LPIN3: variants seen among roughly 807,000 people sequenced by gnomAD.
LPIN3 encodes the protein phosphatidate phosphatase LPIN3.
Under a neutral mutation model 94.7 loss-of-function variants are expected in LPIN3, and 82 were observed. The ratio of observed to expected loss-of-function variants is 0.87; its 90% CI spans 0.72 to 1.04. The LOEUF (loss-of-function observed/expected upper bound fraction) is 1.04. LPIN3 is among the 50% of genes least tolerant of loss of function. The pLI is 0.00. For synonymous variants in LPIN3, 418 were observed against 443.3 expected, an observed-to-expected ratio of 0.94 and a Z score of 0.72; for missense variants, 996 against 1,090.5, an observed-to-expected ratio of 0.91 and a Z score of 1.22.
In LPIN3 at chr20:41,351,856, G is replaced by C. The variant is rs1488465667; in HGVS notation, c.1138G>C (p.Asp380His). Residue 380 changes from aspartate (D) to histidine (H), a missense_variant, in exon 8 of 20, where the codon GAC becomes CAC. Physicochemically the swap from Asp to His is moderately conservative, Grantham distance 81. Transcript: ENST00000373257. The part of the protein sequence containing the change: ...PKRSQHLGPS[D>H]IYLDDLPSLD... ...GAGAAGCCAGCACCTGGGCCCCAGT[G>C]ACATCTACCTGGATGACTTGCCCTC... The C allele has an allele frequency of 6.2e-7, 1 of 1,614,222 alleles. No homozygotes were observed. The highest frequency in any genetic ancestry group is 8.5e-7 in the Non-Finnish European group (1 of 1,180,046).
In LPIN3 at chr20:41,358,957, G is replaced by C; in HGVS notation, c.*91G>C. ...GAGGGTGGGAATTGGAGTGTCATGG[G>C]GCAAACCCACTGAAGGGGAAGGAGG... On this transcript the variant is annotated 3_prime_UTR_variant, in exon 20 of 20. Transcript: ENST00000373257. 1 of 1,494,562 alleles carries C rather than the reference G, an allele frequency of 6.7e-7. No individual in the cohort carries two copies. The allele number at this position is 1,494,562 out of a possible 1,614,324, so 92.6% of individuals were successfully genotyped here.
chr20:41,354,677 G>T lies in LPIN3; in HGVS notation c.1560G>T (p.Met520Ile), dbSNP rs746359500. 3.7e-6 allele frequency: 6 copies of T among 1,600,218 alleles called. No homozygotes were observed. In the South Asian group the frequency reaches 6.8e-5, roughly 18 times the overall value. The change falls in exon 12 of 20, where the codon ATG becomes ATT. Residue 520 changes from methionine to isoleucine, a missense_variant. Coordinates refer to ENST00000373257, the MANE Select transcript of LPIN3 (RefSeq NM_022896.3). Reference sequence around the variant, plus strand: ...TGGACAAGCTGGAGAGGGAGAAGATGCCCCGGAAGGGTGGGCGATGGTGGT... The same window carrying T: ...TGGACAAGCTGGAGAGGGAGAAGATTCCCCGGAAGGGTGGGCGATGGTGGT... ...STMDKLEREK[M>I]PRKGGRWWFS... is the part of the protein sequence containing the mutation.
Position 41,350,120 on chromosome 20 carries a change from T to C in LPIN3, c.825T>C (p.Pro275=). ...VLEGRAGATS[P]PRGGPSTPST... ...AAGGCAGAGCTGGGGCAACCTCTCCTCCTCGGGGAGGACCCAGCACTCCCT... is the reference window on the plus strand; with the variant it reads ...AAGGCAGAGCTGGGGCAACCTCTCCCCCTCGGGGAGGACCCAGCACTCCCT... Residue 275 remains proline (P), a synonymous_variant, in exon 7 of 20, where the codon CCT becomes CCC. Transcript: ENST00000373257. The C allele has an allele frequency of 6.2e-7, 1 of 1,612,072 alleles. No individual in the cohort carries two copies. The highest frequency in any genetic ancestry group is 2.2e-5 in the East Asian group (1 of 44,852).
At chr20:41,358,634 G>A (rs2046302492) in intron 19 of LPIN3, 88 bp from the exon 20 acceptor site, 2 of 1,604,620 alleles carry the variant, frequency 1.2e-6, no homozygotes, top group Non-Finnish European at 1.7e-6. Context: ...TTACCGGGGA[G>A]TCTGTCCCTT....
intron 14 of LPIN3, 74 bp downstream of exon 14, chr20:41,356,108 G>A (rs537004686): frequency 5.8e-6 from 9 of 1,557,380 alleles, no homozygotes; most frequent in Non-Finnish European, 7.9e-6. Flanking sequence ...TCAGGACCTG[G>A]CTGAGAAATG....
In LPIN3 at chr20:41,358,740, A is replaced by G; in HGVS notation, c.2430A>G (p.Glu810=). The part of the protein sequence containing the change: ...NHKSTYERLG[E]VVELLFPPVA... ...CCTGTAGGTATGAGCGGCTTGGTGA[A>G]GTGGTCGAGCTCCTCTTCCCACCTG... The change falls in exon 20 of 20, where the codon GAA becomes GAG. Residue 810 remains glutamate (E), a synonymous_variant. Coordinates refer to ENST00000373257, the MANE Select transcript of LPIN3 (RefSeq NM_022896.3). The G allele has an allele frequency of 6.2e-7, 1 of 1,613,938 alleles. No homozygotes were observed. Among genetic ancestry groups the G allele is most frequent in the South Asian group, 1.1e-5 (1 of 91,040 alleles).
chr20:41,343,711 C>A (rs1226658512), intron 1 of LPIN3, among the ~76,000 whole-genome samples: 1 of 152,182 alleles, frequency 6.6e-6, no homozygotes, highest in African/African-American at 2.4e-5. Context: ...AACACAAAAG[C>A]AGTTCCTTTC....
chr20:41,345,948 C>T lies in LPIN3; in HGVS notation c.145C>T (p.His49Tyr). The change falls in exon 2 of 20, where the codon CAC becomes TAC. Residue 49 changes from histidine to tyrosine, a missense_variant. By Grantham distance (83) the His-to-Tyr change is moderately conservative (BLOSUM62 2). Coordinates refer to ENST00000373257, the MANE Select transcript of LPIN3 (RefSeq NM_022896.3). ...CGGCTCGTTCCGGTGCTCACCCTTC[C>T]ACGTGCGTTTTGGCAAGCTGGGCGT... The part of the protein sequence containing the change: ...VDGSFRCSPF[H>Y]VRFGKLGVLR... The T allele has an allele frequency of 1.2e-6, 2 of 1,614,102 alleles. No homozygotes were observed. The highest frequency in any genetic ancestry group is 1.7e-6 in the Non-Finnish European group (2 of 1,180,020).
rs1320590541 is a variant in LPIN3 at position 41,357,484 on chromosome 20, C to A, written c.2039+37C>A. ...GGCTGGGGCTGGGGCTGAGGCGAGG[C>A]CCCCAGCTCTAGAGAGGGAGTGACA... On this transcript the variant is annotated intron_variant, in intron 16 of 19. Transcript: ENST00000373257. The A allele has an allele frequency of 3.9e-6, 6 of 1,539,900 alleles. No homozygotes were observed. In the East Asian group the frequency reaches 1.3e-4, roughly 35 times the overall value.
At position 41,359,110 on chromosome 20, in the gene LPIN3, C is replaced by G; in HGVS notation, c.*244C>G. 1 of 335,372 alleles carries G rather than the reference C, an allele frequency of 3.0e-6. No homozygotes were observed. The allele number at this position is 335,372 out of a possible 1,614,324, so 20.8% of individuals were successfully genotyped here. The stretch of plus-strand genomic sequence containing the variant: ...TGGGGCAATTAGCTTGTCATCTGGG[C>G]CCTTGCAGGGTTCTTTTTTTTTTTT... On this transcript the variant is annotated 3_prime_UTR_variant, in exon 20 of 20. Transcript: ENST00000373257.
chr20:41,351,586 C>T (rs544163548), intron 7 of LPIN3, among the ~76,000 whole-genome samples: 6 of 152,276 alleles, frequency 3.9e-5, no homozygotes, highest in African/African-American at 9.6e-5. Flanking sequence ...TGAGCCACCA[C>T]GCCCAGCCTA....
In LPIN3 at chr20:41,352,700, G is replaced by C; in HGVS notation, c.1457+1G>C. 3 of 1,614,116 alleles carry C rather than the reference G, an allele frequency of 1.9e-6. No individual in the cohort carries two copies. Among genetic ancestry groups the C allele is most frequent in the Non-Finnish European group, 1.7e-6 (2 of 1,179,946 alleles). On this transcript the variant is annotated splice_donor_variant, in intron 10 of 19. Transcript: ENST00000373257. LOFTEE classifies it high-confidence loss of function. ...ACCTAGTGGTGAAAATCAATGGAAAGTAAGTCCCAGAGCTGGGGCTGCTGG... is the reference window on the plus strand; with the variant it reads ...ACCTAGTGGTGAAAATCAATGGAAACTAAGTCCCAGAGCTGGGGCTGCTGG...
At position 41,346,001 on chromosome 20, in the gene LPIN3, T is replaced by C. The variant is rs970215211; in HGVS notation, c.192+6T>C. 12 of 1,611,332 alleles carry C rather than the reference T, an allele frequency of 7.4e-6. No individual in the cohort carries two copies. Among genetic ancestry groups the C allele is most frequent in the Admixed American group, 1.7e-5 (1 of 59,920 alleles). On this transcript the variant is annotated splice_donor_region_variant and intron_variant, in intron 2 of 19. Transcript: ENST00000373257. ...TGCGGTCGCGGGAGAAGGTGGTGAG[T>C]GCTCAGGCTGGCTGAGGTGGCTACT... is the stretch of plus-strand genomic sequence containing the variant.
At chr20:41,346,678 T>C (rs1257594299) in intron 2 of LPIN3, among the ~76,000 whole-genome samples, 1 of 152,094 alleles carries the variant, frequency 6.6e-6, no homozygotes, top group Non-Finnish European at 1.5e-5. Flanking sequence ...GAGGCAGAGA[T>C]TGCAGTGAGC....
chr20:41,341,630 A>G (rs2146891582), intron 1 of LPIN3, among the ~76,000 whole-genome samples: 1 of 152,360 alleles, frequency 6.6e-6, no homozygotes, highest in South Asian at 2.1e-4. Flanking sequence ...TGGAGTGCAC[A>G]TGCTCGTTTT....
chr20:41,342,667 T>TG (rs201331725), intron 1 of LPIN3, among the ~76,000 whole-genome samples: 6 of 139,830 alleles, frequency 4.3e-5, no homozygotes, highest in African/African-American at 1.3e-4. Context: ...CAGGCAGATG[T>TG]GGGGGGGCTC....
Position 41,359,117 on chromosome 20 carries a change from AGG to A in LPIN3, c.*253_*254del. The A allele has an allele frequency of 4.4e-6, 1 of 228,664 alleles. No homozygotes were observed. The highest frequency in any genetic ancestry group is 8.0e-6 in the Non-Finnish European group (1 of 125,542). 14.2% of individuals were successfully genotyped at this position (228,664 alleles called of 1,614,324 possible). A position where few individuals can be genotyped will look rare whatever the true frequency, so the allele number is the denominator to read the frequency against. On this transcript the variant is annotated 3_prime_UTR_variant, in exon 20 of 20. Coordinates refer to ENST00000373257, the MANE Select transcript of LPIN3 (RefSeq NM_022896.3). ...ATTAGCTTGTCATCTGGGCCCTTGC[AGG>A]GTTCTTTTTTTTTTTTTTTTTTTTT... is the stretch of plus-strand genomic sequence containing the variant.
chr20:41,358,764 TGTGGCCC>T lies in LPIN3; in HGVS notation c.2462_2468del (p.Arg821ProfsTer46), dbSNP rs1465538955. The T allele has an allele frequency of 6.2e-7, 1 of 1,612,944 alleles. No individual in the cohort carries two copies. The highest frequency in any genetic ancestry group is 8.5e-7 in the Non-Finnish European group (1 of 1,179,672). ...AAGTGGTCGAGCTCCTCTTCCCACCTGTGGCCCGTGGCCCCAGCACAGACCTGGCCAA... is the reference window on the plus strand; with the variant it reads ...AAGTGGTCGAGCTCCTCTTCCCACCTGTGGCCCCAGCACAGACCTGGCCAA... On this transcript the variant is annotated frameshift_variant, in exon 20 of 20. Coordinates refer to ENST00000373257, the MANE Select transcript of LPIN3 (RefSeq NM_022896.3). LOFTEE classifies it low-confidence loss of function (END_TRUNC).
rs779784184 is a variant in LPIN3, at chr20:41,351,967, G to A, written c.1202+47G>A. 10 of 1,613,140 alleles carry A rather than the reference G, an allele frequency of 6.2e-6. No homozygotes were observed. The East Asian group carries it at 1.8e-4, about 29-fold the overall frequency. ...GGGTGTCTTGGGTCTGGGCTCCTGGGGCCAAGGGTCCACTATCAAGGGCCT... is the reference window on the plus strand; with the variant it reads ...GGGTGTCTTGGGTCTGGGCTCCTGGAGCCAAGGGTCCACTATCAAGGGCCT... On this transcript the variant is annotated intron_variant, in intron 8 of 19. Coordinates refer to ENST00000373257, the MANE Select transcript of LPIN3 (RefSeq NM_022896.3).
Sources: allele counts gnomAD v4.1 joint callset (sites outside exome capture counted in the v4.1 genomes callset), GRCh38; gene constraint gnomAD v4.1.1; transcripts MANE v1.5; gene names NCBI Gene and HGNC (gene_info 2026-07-23, HGNC 2026-07-21).